The following SRCAP variants were observed in gnomAD, a reference collection of about 807,000 sequenced individuals.
The protein encoded by SRCAP is chromatin remodeling protein SRCAP.
Under a neutral mutation model 263.1 loss-of-function variants are expected in SRCAP, and 46 were observed. That is an observed-to-expected ratio of 0.17 (90% CI 0.14 to 0.22). SRCAP has a LOEUF of 0.22. Ranked by LOEUF, SRCAP falls within the 10% of genes least tolerant of loss-of-function variation. SRCAP has a pLI of 1.00. For synonymous variants in SRCAP, 1,813 were observed against 1,662.1 expected (o/e 1.09, Z -2.21); for missense variants, 3,695 against 4,181.9 (o/e 0.88, Z 3.21).
Position 30,710,038 on chromosome 16 carries a change from C to T in SRCAP, c.1044C>T (p.Ser348=), listed in dbSNP as rs767643808. 6.2e-7 allele frequency: 1 copy of T among 1,614,134 alleles called. No individual in the cohort carries two copies. Among genetic ancestry groups the T allele is most frequent in the South Asian group, 1.1e-5 (1 of 91,086 alleles). Residue 348 remains serine, a synonymous_variant, in exon 8 of 34, where the codon TCC becomes TCT. Coordinates refer to ENST00000262518, the MANE Select transcript of SRCAP (RefSeq NM_006662.3). The part of the protein sequence containing the change: ...SLPPQLLEGP[S]SPSQTPSSHD... The stretch of plus-strand genomic sequence containing the variant: ...CCCCTCAGCTGTTGGAAGGGCCTTC[C>T]AGCCCCTCTCAAACCCCCTCATCTC...
rs1394970282 is a variant in SRCAP, at chr16:30,721,468, G to A, written c.3533G>A (p.Arg1178His). ...RLILSPDMQA[R>H]LPSGEVVSIG... ...ATTCTATCTCCCGATATGCAGGCTC[G>A]CCTGCCCTGTAAGTTCCCAGGGCTC... Residue 1178 changes from arginine to histidine, a missense_variant, in exon 21 of 34, where the codon CGC becomes CAC. Transcript: ENST00000262518. The A allele has an allele frequency of 3.1e-6, 5 of 1,609,020 alleles. No individual in the cohort carries two copies. Among genetic ancestry groups the A allele is most frequent in the Admixed American group, 1.7e-5 (1 of 60,014 alleles).
intron 31 of SRCAP, among the ~76,000 whole-genome samples, chr16:30,735,022 A>G (rs978788496): frequency 6.6e-6 from 1 of 152,150 alleles, no homozygotes; most frequent in Non-Finnish European, 1.5e-5. Context: ...CAACACCCCA[A>G]AATTATGATA....
intron 25 of SRCAP, chr16:30,725,374 TTC>T (rs1002142002): frequency 5.2e-6 from 2 of 384,326 alleles, no homozygotes; most frequent in African/African-American, 4.2e-5. Flanking sequence ...AAAGGAACTC[TTC>T]TCTGTCCCTT....
rs1237966851 is a variant in SRCAP, at chr16:30,737,509, A to G, written c.7469A>G (p.Gln2490Arg). 5.0e-6 allele frequency: 8 copies of G among 1,601,592 alleles called. No homozygotes were observed. Among genetic ancestry groups the G allele is most frequent in the South Asian group, 1.1e-5 (1 of 90,732 alleles). Residue 2490 changes from glutamine to arginine, a missense_variant, in exon 34 of 34, where the codon CAG becomes CGG. Gln to Arg is a conservative substitution (Grantham distance 43, BLOSUM62 1). Coordinates refer to ENST00000262518, the MANE Select transcript of SRCAP (RefSeq NM_006662.3). ...HILPSPPPPSQIPPCSSPACT... is the reference protein window; with the variant it reads ...HILPSPPPPSRIPPCSSPACT... ...TTGCCTTCTCCTCCCCCTCCTTCAC[A>G]GATTCCTCCTTGTTCTTCTCCTGCC...
At chr16:30,702,390 G>A (rs934004012) in intron 3 of SRCAP, among the ~76,000 whole-genome samples, 18 of 151,318 alleles carry the variant, frequency 1.2e-4, no homozygotes, top group South Asian at 2.1e-4. Flanking sequence ...CCGCCACCAC[G>A]CCCAGCTAAT....
chr16:30,708,105 TC>T (rs2052847532), intron 6 of SRCAP, among the ~76,000 whole-genome samples: 1 of 152,248 alleles, frequency 6.6e-6, no homozygotes, highest in African/African-American at 2.4e-5. Context: ...CCTTCTCCCT[TC>T]CACTCCACAC....
chr16:30,722,538 C>T lies in SRCAP; in HGVS notation c.3707-25C>T, dbSNP rs777615005. On this transcript the variant is annotated intron_variant, in intron 22 of 33. Coordinates refer to ENST00000262518, the MANE Select transcript of SRCAP (RefSeq NM_006662.3). The stretch of plus-strand genomic sequence containing the variant: ...CTCAGGCTGATAGCTGCTTCTCTCT[C>T]TCTTTCTCTCTTCCCTTAACCCAGG... 2.2e-5 allele frequency: 35 copies of T among 1,611,780 alleles called. No individual in the cohort carries two copies. The South Asian group carries it at 3.6e-4, about 17-fold the overall frequency.
rs2053210456 is a variant in SRCAP, at chr16:30,740,103, A to G, written c.*370A>G. The G allele has an allele frequency of 6.0e-6, 1 of 167,056 alleles. No homozygotes were observed. The highest frequency in any genetic ancestry group is 1.3e-5 in the Non-Finnish European group (1 of 78,680). The allele number at this position is 167,056 out of a possible 1,614,324, so 10.3% of individuals were successfully genotyped here. A position where few individuals can be genotyped will look rare whatever the true frequency, so the allele number is the denominator to read the frequency against. ...TTTTTTTTTTTTTTAAGAAGAAAAA[A>G]TAATAAACTTAGTTTCTGTATGAGC... On this transcript the variant is annotated 3_prime_UTR_variant, in exon 34 of 34. Coordinates refer to ENST00000262518, the MANE Select transcript of SRCAP (RefSeq NM_006662.3).
intron 10 of SRCAP, 29 bp downstream of exon 10, chr16:30,711,117 A>T (rs770436399): frequency 6.4e-7 from 1 of 1,569,064 alleles, no homozygotes; most frequent in Admixed American, 1.7e-5. Context: ...TTTACTAAGC[A>T]TCCACTTGGT....
intron 18 of SRCAP, among the ~76,000 whole-genome samples, chr16:30,717,080 G>GT (rs2151290851): frequency 6.6e-6 from 1 of 152,202 alleles, no homozygotes; most frequent in South Asian, 2.1e-4. Context: ...GGGCACAAGT[G>GT]TTCTAATTTC....
intron 27 of SRCAP, among the ~76,000 whole-genome samples, chr16:30,732,866 T>A (rs2151298015): frequency 6.6e-6 from 1 of 152,260 alleles, no homozygotes; most frequent in South Asian, 2.1e-4. Context: ...AGGGTCTCGC[T>A]TTGTTGCCCA....
chr16:30,736,819 T>C (rs1004809228), intron 33 of SRCAP, among the ~76,000 whole-genome samples, 195 bp downstream of exon 33: 6 of 152,054 alleles, frequency 3.9e-5, no homozygotes, highest in Non-Finnish European at 8.8e-5. Context: ...ATTACAGGCG[T>C]GCACCACCAC....
intron 3 of SRCAP, among the ~76,000 whole-genome samples, chr16:30,701,940 ATTTC>A (rs1223228113): frequency 1.4e-5 from 2 of 140,594 alleles, no homozygotes; most frequent in African/African-American, 2.7e-5. Context: ...CCTATTTTCC[ATTTC>A]TTTCTTTCTT....
At position 30,713,350 on chromosome 16, in the gene SRCAP, G is replaced by T; in HGVS notation, c.2273G>T (p.Arg758Leu). The T allele has an allele frequency of 6.2e-7, 1 of 1,614,146 alleles. No homozygotes were observed. The highest frequency in any genetic ancestry group is 8.5e-7 in the Non-Finnish European group (1 of 1,180,038). Reference sequence around the variant, plus strand: ...AACATCAAGAACTTCAAGTCACAGCGCTGGCAGTCACTCCTCAACTTCAAC... The same window carrying T: ...AACATCAAGAACTTCAAGTCACAGCTCTGGCAGTCACTCCTCAACTTCAAC... ...AQNIKNFKSQ[R>L]WQSLLNFNSQ... is the part of the protein sequence containing the mutation. Residue 758 changes from arginine to leucine, a missense_variant, in exon 15 of 34, where the codon CGC (arginine) becomes CTC (leucine). Physicochemically the swap from Arg to Leu is moderately radical, Grantham distance 102. This residue lies in a region of SRCAP where 121 missense variants were observed against 330.7 expected (regional missense o/e 0.37). Transcript: ENST00000262518.
chr16:30,730,858 C>T (rs1422077297), intron 27 of SRCAP, among the ~76,000 whole-genome samples: 1 of 151,630 alleles, frequency 6.6e-6, no homozygotes, highest in African/African-American at 2.4e-5. Context: ...TTAGTAGAGA[C>T]AGGGTTTCAC....
intron 12 of SRCAP, 49 bp from the exon 13 acceptor site, chr16:30,712,213 C>A: frequency 4.4e-6 from 7 of 1,599,042 alleles, no homozygotes; most frequent in African/African-American, 1.3e-5. Context: ...CATGTCCCCA[C>A]AACAAATGCC....
rs11859030 is a variant in SRCAP at position 30,724,454 on chromosome 16, C to T, written c.5030C>T (p.Ser1677Phe). 9 of 1,614,122 alleles carry T rather than the reference C, an allele frequency of 5.6e-6. No homozygotes were observed. The highest frequency in any genetic ancestry group is 7.6e-6 in the Non-Finnish European group (9 of 1,180,040). Reference sequence around the variant, plus strand: ...CCGTCACCTCTCCCGAGCCCGGCTTCTACGCAGACACTGGCCCTAGCCCCA... The same window carrying T: ...CCGTCACCTCTCCCGAGCCCGGCTTTTACGCAGACACTGGCCCTAGCCCCA... ...PVPSPLPSPA[S>F]TQTLALAPAL... Residue 1677 changes from serine (S) to phenylalanine (F), a missense_variant, in exon 25 of 34, where the codon TCT (serine) becomes TTT (phenylalanine). By Grantham distance (155) the Ser-to-Phe change is radical (BLOSUM62 -2). Transcript: ENST00000262518.
Position 30,710,236 on chromosome 16 carries a change from A to G in SRCAP, c.1134+108A>G, listed in dbSNP as rs561926865. 46 of 1,164,416 alleles carry G rather than the reference A, an allele frequency of 4.0e-5. 1 individual carries two copies. In the South Asian group the frequency reaches 6.0e-4, roughly 15 times the overall value. 72.1% of individuals were successfully genotyped at this position (1,164,416 alleles called of 1,614,324 possible). On this transcript the variant is annotated intron_variant, in intron 8 of 33. Coordinates refer to ENST00000262518, the MANE Select transcript of SRCAP (RefSeq NM_006662.3). ...GGTTATGAGTTTTAGGAGTTCTGCT[A>G]GTAATGGACATTTGGGCTCTTTGGG...
chr16:30,708,655 A>G (rs1269461690), intron 6 of SRCAP, among the ~76,000 whole-genome samples: 2 of 152,044 alleles, frequency 1.3e-5, no homozygotes, highest in African/African-American at 4.8e-5. Context: ...CAGCCTCTCA[A>G]AGTGCTGGGA....
Sources: gnomAD v4.1 joint callset for allele counts (sites outside exome capture counted in the v4.1 genomes callset) on GRCh38, gnomAD v4.1.1 for gene constraint, gnomAD v4.1.1 regional missense constraint, MANE v1.5 for transcripts, NCBI Gene and HGNC (gene_info 2026-07-23, HGNC 2026-07-21) for gene names.